The following MACROD2 variants were observed in gnomAD, a reference collection of about 807,000 sequenced individuals.
MACROD2 encodes ADP-ribose glycohydrolase MACROD2.
In MACROD2, 36 loss-of-function variants were observed where a neutral mutation model predicts 70.4. The ratio of observed to expected loss-of-function variants is 0.51; its 90% CI spans 0.39 to 0.68. The LOEUF (loss-of-function observed/expected upper bound fraction) is 0.68, where lower values mean the gene tolerates loss of function less well. MACROD2 is among the 30% of genes least tolerant of loss of function. MACROD2 has a pLI of 0.00. For synonymous variants in MACROD2, 172 were observed against 178.8 expected, an observed-to-expected ratio of 0.96 and a Z score of 0.30; for missense variants, 496 against 538.4, an observed-to-expected ratio of 0.92 and a Z score of 0.78.
At chr20:14,342,161 C>G (rs1048595386) in intron 3 of MACROD2, among the ~76,000 whole-genome samples, 7 of 152,090 alleles carry the variant, frequency 4.6e-5, no homozygotes, top group African/African-American at 1.7e-4. Flanking sequence ...TGCAGATAAG[C>G]CCAGCCTTAC....
At chr20:15,462,813 A>T (rs2046836266) in intron 7 of MACROD2, among the ~76,000 whole-genome samples, 1 of 152,164 alleles carries the variant, frequency 6.6e-6, no homozygotes, top group Non-Finnish European at 1.5e-5. Flanking sequence ...TATAATTGCC[A>T]CTTGGACAAG....
At position 14,787,715 on chromosome 20, in the gene MACROD2, T is replaced by G. The variant is rs115485171; in HGVS notation, c.418+102756T>G. ...GTTGAGACTACCTTTAGTGGGGACT[T>G]TCTATTCCTTTCCAGAACACCATTT... On this transcript the variant is annotated intron_variant, in intron 5 of 17. Coordinates refer to ENST00000684519, the MANE Select transcript of MACROD2 (RefSeq NM_001351661.2). 3.2e-3 allele frequency among the ~76,000 whole-genome samples: 490 copies of G among 152,230 alleles called. 5 individuals carry two copies. Among genetic ancestry groups the G allele is most frequent in the African/African-American group, 0.011 (473 of 41,520 alleles).
At chr20:15,758,491 C>T (rs1474588504) in intron 8 of MACROD2, among the ~76,000 whole-genome samples, 1 of 151,480 alleles carries the variant, frequency 6.6e-6, no homozygotes, top group Non-Finnish European at 1.5e-5. Flanking sequence ...CCGACTGCCT[C>T]AGCCTCCCAA....
chr20:15,197,250 C>T (rs1208373328), intron 5 of MACROD2, among the ~76,000 whole-genome samples: 1 of 151,818 alleles, frequency 6.6e-6, no homozygotes, highest in Admixed American at 6.6e-5. Flanking sequence ...AATGACATCC[C>T]AAAGGAGAAA....
At chr20:14,819,259 C>A (rs955739318) in intron 5 of MACROD2, among the ~76,000 whole-genome samples, 2 of 151,746 alleles carry the variant, frequency 1.3e-5, no homozygotes, top group East Asian at 3.9e-4. Context: ...GAGCAAGACT[C>A]TGCCTCAAAA....
intron 5 of MACROD2, among the ~76,000 whole-genome samples, chr20:14,783,274 C>T (rs182125676): frequency 6.6e-6 from 1 of 152,210 alleles, no homozygotes; most frequent in East Asian, 1.9e-4. Context: ...AGTTGTGTTT[C>T]CTGCATAGAA....
intron 10 of MACROD2, among the ~76,000 whole-genome samples, chr20:15,928,158 T>C (rs1194672702): frequency 6.6e-6 from 1 of 152,236 alleles, no homozygotes; most frequent in Admixed American, 6.5e-5. Flanking sequence ...GTAGAAGATA[T>C]ATACTAAAGT....
chr20:15,609,585 A>G (rs971111279), intron 8 of MACROD2, among the ~76,000 whole-genome samples: 1 of 151,266 alleles, frequency 6.6e-6, no homozygotes, highest in African/African-American at 2.5e-5. Flanking sequence ...AATCCTGCCC[A>G]TGTGAGTGGA....
chr20:14,684,731 G>C, intron 4 of MACROD2, 112 bp from the exon 5 acceptor site: 3 of 823,398 alleles, frequency 3.6e-6, no homozygotes, highest in Non-Finnish European at 5.9e-6. Context: ...TCTTCCACGG[G>C]CTATGGTTAT....
chr20:14,948,197 C>T lies in MACROD2; in HGVS notation c.418+263238C>T, dbSNP rs535835574. ...CTCTGGCTCCTTTTCAGGAGAGAATCCTCTTCCCTGGATTTTGTCAGAGGA... is the reference window on the plus strand; with the variant it reads ...CTCTGGCTCCTTTTCAGGAGAGAATTCTCTTCCCTGGATTTTGTCAGAGGA... On this transcript the variant is annotated intron_variant, in intron 5 of 17. Transcript: ENST00000684519. 3.7e-3 allele frequency among the ~76,000 whole-genome samples: 570 copies of T among 152,262 alleles called. 17 individuals are homozygous for T. In the East Asian group the frequency reaches 0.046, roughly 12 times the overall value.
chr20:14,806,272 C>T, intron 5 of MACROD2, among the ~76,000 whole-genome samples: 1 of 152,036 alleles, frequency 6.6e-6, no homozygotes, highest in Non-Finnish European at 1.5e-5. Context: ...CTCACTGGGA[C>T]TGGTTAGACA....
intron 8 of MACROD2, among the ~76,000 whole-genome samples, chr20:15,511,826 C>T (rs978000283): frequency 2.0e-5 from 3 of 152,310 alleles, no homozygotes; most frequent in East Asian, 3.9e-4. Context: ...TATTCCTCAC[C>T]TGTAAGATAA....
chr20:15,623,720 C>CTATCCATCTATCTATT (rs11473565), intron 8 of MACROD2, among the ~76,000 whole-genome samples: 1 of 151,140 alleles, frequency 6.6e-6, no homozygotes, highest in African/African-American at 2.4e-5. Flanking sequence ...ATCTATCTAT[C>CTATCCATCTATCTATT]GATGTGTCTA....
At chr20:14,619,393 A>AG (rs1187914612) in intron 4 of MACROD2, among the ~76,000 whole-genome samples, 1 of 19,114 alleles carries the variant, frequency 5.2e-5, no homozygotes, top group Non-Finnish European at 1.0e-4. Flanking sequence ...GGAAGGAAGG[A>AG]GGGGGGAGGA....
chr20:15,550,193 T>C (rs1421906723), intron 8 of MACROD2, among the ~76,000 whole-genome samples: 1 of 151,448 alleles, frequency 6.6e-6, no homozygotes, highest in Admixed American at 6.6e-5. Flanking sequence ...GGAGTGGTGT[T>C]TGGTAAAATT....
chr20:14,859,654 T>G (rs1037596406), intron 5 of MACROD2, among the ~76,000 whole-genome samples: 96 of 152,312 alleles, frequency 6.3e-4, no homozygotes, highest in Non-Finnish European at 1.2e-3. Flanking sequence ...TTTATTCTGC[T>G]ATTGAGATTT....
chr20:15,754,865 G>GTT (rs201571016), intron 8 of MACROD2, among the ~76,000 whole-genome samples: 113 of 143,158 alleles, frequency 7.9e-4, no homozygotes, highest in Admixed American at 3.9e-3. Context: ...AGTTTGCTGG[G>GTT]TTTTTTTTTT....
At chr20:14,849,595 C>T (rs1241064570) in intron 5 of MACROD2, among the ~76,000 whole-genome samples, 1 of 152,074 alleles carries the variant, frequency 6.6e-6, no homozygotes, top group Non-Finnish European at 1.5e-5. Context: ...GCCTGGCCAA[C>T]ACGGTGAAAC....
intron 2 of MACROD2, among the ~76,000 whole-genome samples, chr20:14,046,952 T>C (rs2053486372): frequency 6.6e-6 from 1 of 152,062 alleles, no homozygotes. Flanking sequence ...CTGTGGTATA[T>C]CTATCTAAGG....
Sources: gnomAD v4.1 joint callset for allele counts (sites outside exome capture counted in the v4.1 genomes callset) on GRCh38, gnomAD v4.1.1 for gene constraint, MANE v1.5 for transcripts, NCBI Gene and HGNC (gene_info 2026-07-23, HGNC 2026-07-21) for gene names.